Variants in PRKN observed in about 807,000 individuals in gnomAD.
PRKN encodes parkin RBR E3 ubiquitin protein ligase.
In PRKN, 56 loss-of-function variants were observed where a neutral mutation model predicts 59.5. The observed-to-expected ratio is 0.94, with a 90% CI of 0.76 to 1.18. The LOEUF (loss-of-function observed/expected upper bound fraction) is 1.18, where lower values mean the gene tolerates loss of function less well. PRKN is among the 50% of genes most tolerant of loss of function. PRKN has a pLI of 0.00. For synonymous variants in PRKN, 250 were observed against 222.1 expected (o/e 1.13, Z -1.12); for missense variants, 657 against 596.4 (o/e 1.10, Z -1.06).
intron 9 of PRKN, among the ~76,000 whole-genome samples, chr6:161,505,905 A>G (rs1421244776): frequency 7.3e-5 from 11 of 151,236 alleles, no homozygotes; most frequent in African/African-American, 2.7e-4. Context: ...TGGTACCAGT[A>G]CCATGCTGTT....
chr6:161,383,612 C>A (rs1239416919), intron 10 of PRKN, among the ~76,000 whole-genome samples: 1 of 152,228 alleles, frequency 6.6e-6, no homozygotes, highest in Non-Finnish European at 1.5e-5. Context: ...CACCTCCTGT[C>A]ATGAGGCCCC....
chr6:162,327,470 G>A (rs1281585746), intron 2 of PRKN, among the ~76,000 whole-genome samples: 1 of 152,140 alleles, frequency 6.6e-6, no homozygotes, highest in Middle Eastern at 3.2e-3. Context: ...CCTTGACAAT[G>A]GTCTTCTCTA....
At chr6:162,382,613 T>C (rs2142527) in intron 2 of PRKN, among the ~76,000 whole-genome samples, 75,291 of 152,094 alleles carry the variant, frequency 0.5, 19,085 homozygotes, top group East Asian at 0.74. Flanking sequence ...CTTGCTTTGA[T>C]ATTGATGACT....
intron 4 of PRKN, among the ~76,000 whole-genome samples, chr6:162,166,797 A>G (rs943725855): frequency 6.6e-6 from 1 of 152,140 alleles, no homozygotes; most frequent in South Asian, 2.1e-4. Context: ...CTAGCTTCCC[A>G]TTCTCTGGAA....
chr6:162,404,354 A>G (rs1787954029), intron 2 of PRKN, among the ~76,000 whole-genome samples: 1 of 148,392 alleles, frequency 6.7e-6, no homozygotes, highest in African/African-American at 2.5e-5. Flanking sequence ...TGGGCGACAG[A>G]GTGAGACTCT....
intron 9 of PRKN, among the ~76,000 whole-genome samples, chr6:161,505,991 A>ATTGACTTGGCGATGCGGG (rs1778153212): frequency 6.6e-6 from 1 of 151,690 alleles, no homozygotes; most frequent in Non-Finnish European, 1.5e-5. Flanking sequence ...TTGGCTTAGG[A>ATTGACTTGGCGATGCGGG]TTGACTTGGC....
chr6:161,655,482 G>T (rs1260379571), intron 7 of PRKN, among the ~76,000 whole-genome samples: 1 of 152,200 alleles, frequency 6.6e-6, no homozygotes, highest in African/African-American at 2.4e-5. Context: ...TGTCACAGAG[G>T]CGTTCCTGGG....
Position 161,538,342 on chromosome 6 carries a change from G to T in PRKN, c.1083+10512C>A, listed in dbSNP as rs1052857516. On this transcript the variant is annotated intron_variant, in intron 9 of 11. Transcript: ENST00000366898. The surrounding 1 kb of genome is among the most constrained non-coding windows in gnomAD (Gnocchi z 4.2). ...GTTACTTGATATTTTTCTTCTCCTTGAAAAAAATTCTTAAATAAATTGGAC... is the reference window on the plus strand; with the variant it reads ...GTTACTTGATATTTTTCTTCTCCTTTAAAAAAATTCTTAAATAAATTGGAC... 2.0e-5 allele frequency among the ~76,000 whole-genome samples: 3 copies of T among 152,006 alleles called. No homozygotes were observed. Among genetic ancestry groups the T allele is most frequent in the Non-Finnish European group, 2.9e-5 (2 of 67,978 alleles).
At position 161,417,286 on chromosome 6, in the gene PRKN, C is replaced by A. The variant is rs996923481; in HGVS notation, c.1084-30409G>T. 6.6e-6 allele frequency among the ~76,000 whole-genome samples: 1 copy of A among 152,066 alleles called. No individual in the cohort carries two copies. The highest frequency in any genetic ancestry group is 2.4e-5 in the African/African-American group (1 of 41,382). ...TCAACATGGTGAAACCCTGTCTCTA[C>A]TAAAAATACAAAAATTAGCCGGGTG... On this transcript the variant is annotated intron_variant, in intron 9 of 11. Transcript: ENST00000366898. The surrounding 1 kb of genome is among the most constrained non-coding windows in gnomAD (Gnocchi z 5.4).
intron 1 of PRKN, among the ~76,000 whole-genome samples, chr6:162,526,666 G>A (rs1778299089): frequency 6.6e-6 from 1 of 151,620 alleles, no homozygotes; most frequent in African/African-American, 2.4e-5. Flanking sequence ...TGTGACCTCT[G>A]GACCAAAGTA....
intron 4 of PRKN, among the ~76,000 whole-genome samples, chr6:162,158,025 T>G (rs977440704): frequency 2.0e-5 from 3 of 152,032 alleles, no homozygotes; most frequent in African/African-American, 7.3e-5. Context: ...GAGTCTGCTG[T>G]TTTCAGCCAC....
At position 161,480,434 on chromosome 6, in the gene PRKN, C is replaced by A. The variant is rs1051857204; in HGVS notation, c.1083+68420G>T. On this transcript the variant is annotated intron_variant, in intron 9 of 11. Transcript: ENST00000366898. This position sits in a 1 kb window ranked among gnomAD's most constrained non-coding sequence, Gnocchi z 4.1. Reference sequence around the variant, plus strand: ...ACAATCCTGGAAAAGAATCTTAATTCTCTTATTTCACATATGAGAAAATTG... The same window carrying A: ...ACAATCCTGGAAAAGAATCTTAATTATCTTATTTCACATATGAGAAAATTG... 6.6e-6 allele frequency among the ~76,000 whole-genome samples: 1 copy of A among 152,176 alleles called. No individual in the cohort carries two copies. The highest frequency in any genetic ancestry group is 1.5e-5 in the Non-Finnish European group (1 of 68,038).
intron 7 of PRKN, among the ~76,000 whole-genome samples, chr6:161,636,206 G>A (rs1783513742): frequency 6.6e-6 from 1 of 152,248 alleles, no homozygotes. Context: ...GTCAGCACAG[G>A]ACAGCCTAGG....
chr6:162,515,895 G>T (rs946855988), intron 1 of PRKN, among the ~76,000 whole-genome samples: 3 of 152,122 alleles, frequency 2.0e-5, no homozygotes, highest in Non-Finnish European at 4.4e-5. Context: ...ATAGGCTAGG[G>T]CCGCATGTGA....
At chr6:161,685,117 T>A (rs563362577) in intron 7 of PRKN, among the ~76,000 whole-genome samples, 26 of 152,372 alleles carry the variant, frequency 1.7e-4, no homozygotes, top group African/African-American at 6.3e-4. Context: ...AAATATTCAT[T>A]TTTTAAATTT....
At chr6:161,469,409 C>T (rs550634448) in intron 9 of PRKN, among the ~76,000 whole-genome samples, 1 of 152,236 alleles carries the variant, frequency 6.6e-6, no homozygotes, top group South Asian at 2.1e-4. Context: ...ATAAATTACT[C>T]AGTTTCAGGT....
chr6:162,361,797 T>A (rs1385592149), intron 2 of PRKN, among the ~76,000 whole-genome samples: 1 of 152,194 alleles, frequency 6.6e-6, no homozygotes, highest in Non-Finnish European at 1.5e-5. Context: ...AAGAGTCCTA[T>A]CTGCTCACGT....
At chr6:161,802,909 A>T (rs1401686311) in intron 6 of PRKN, among the ~76,000 whole-genome samples, 3 of 152,154 alleles carry the variant, frequency 2.0e-5, no homozygotes, top group African/African-American at 7.2e-5. Context: ...TCACCCCAAA[A>T]TATGCCATTT....
Position 161,460,976 on chromosome 6 carries a change from C to T in PRKN, c.1084-74099G>A, listed in dbSNP as rs1790188328. 6.6e-6 allele frequency among the ~76,000 whole-genome samples: 1 copy of T among 151,378 alleles called. No individual in the cohort carries two copies. Among genetic ancestry groups the T allele is most frequent in the African/African-American group, 2.4e-5 (1 of 41,134 alleles). On this transcript the variant is annotated intron_variant, in intron 9 of 11. Coordinates refer to ENST00000366898, the MANE Select transcript of PRKN (RefSeq NM_004562.3). The surrounding 1 kb of genome is among the most constrained non-coding windows in gnomAD (Gnocchi z 5.0). ...GTTTCACCATGTTGGCCAGGATGGT[C>T]TTGATCACCTGACCTCATGATCTGC...
Sources: allele counts gnomAD v4.1 joint callset (sites outside exome capture counted in the v4.1 genomes callset), GRCh38; gene constraint gnomAD v4.1.1; non-coding constraint Gnocchi (gnomAD v3.1); transcripts MANE v1.5; gene names NCBI Gene and HGNC (gene_info 2026-07-23, HGNC 2026-07-21).